Variants in TMEM117 observed in about 807,000 individuals in gnomAD.
TMEM117 encodes the protein transmembrane protein 117.
Under a neutral mutation model 52.4 loss-of-function variants are expected in TMEM117, and 27 were observed. The observed-to-expected ratio is 0.51, with a 90% CI of 0.38 to 0.71. The LOEUF (loss-of-function observed/expected upper bound fraction) is 0.71, where lower values mean the gene tolerates loss of function less well. Ranked by LOEUF, TMEM117 falls within the 30% of genes least tolerant of loss-of-function variation. TMEM117 has a pLI of 0.00. For missense variants in TMEM117, 556 were observed against 630.5 expected (o/e 0.88, Z 1.26); for synonymous variants, 215 against 206.3 (o/e 1.04, Z -0.36).
chr12:44,372,837 A>G (rs879322084), intron 6 of TMEM117, among the ~76,000 whole-genome samples: 2 of 152,200 alleles, frequency 1.3e-5, no homozygotes, highest in Admixed American at 6.5e-5. Flanking sequence ...CATGGCACCT[A>G]TGTCACTTTG....
At chr12:43,912,527 A>C (rs1156818275) in intron 2 of TMEM117, among the ~76,000 whole-genome samples, 1 of 92,064 alleles carries the variant, frequency 1.1e-5, no homozygotes, top group Non-Finnish European at 2.6e-5. Flanking sequence ...ATATATATAT[A>C]TATATATATG....
At chr12:43,848,268 G>A (rs192829336) in intron 2 of TMEM117, among the ~76,000 whole-genome samples, 3 of 151,986 alleles carry the variant, frequency 2.0e-5, no homozygotes, top group African/African-American at 7.3e-5. Context: ...GTAGAGAACC[G>A]GTCTGACCAC....
intron 4 of TMEM117, among the ~76,000 whole-genome samples, chr12:44,181,871 T>A (rs1207648593): frequency 6.6e-6 from 1 of 151,836 alleles, no homozygotes; most frequent in Non-Finnish European, 1.5e-5. Flanking sequence ...TTTAAAGTAG[T>A]TTTTTCCAAT....
At chr12:44,061,990 C>T (rs1293992652) in intron 3 of TMEM117, among the ~76,000 whole-genome samples, 1 of 152,048 alleles carries the variant, frequency 6.6e-6, no homozygotes, top group East Asian at 1.9e-4. Context: ...GTGGTTAAGC[C>T]TATGATAATT....
chr12:44,314,907 G>GT (rs1951035336), intron 6 of TMEM117, among the ~76,000 whole-genome samples: 1 of 151,952 alleles, frequency 6.6e-6, no homozygotes, highest in Admixed American at 6.6e-5. Flanking sequence ...TTGTATGTAG[G>GT]TTTTTTTGAC....
At chr12:43,901,186 A>G (rs1018606605) in intron 2 of TMEM117, among the ~76,000 whole-genome samples, 2 of 152,242 alleles carry the variant, frequency 1.3e-5, no homozygotes, top group Non-Finnish European at 2.9e-5. Context: ...AATTGTGCAA[A>G]GGCTTTCTGA....
intron 3 of TMEM117, among the ~76,000 whole-genome samples, chr12:43,960,662 C>T (rs1945387773): frequency 6.6e-6 from 1 of 152,048 alleles, no homozygotes; most frequent in Admixed American, 6.6e-5. Flanking sequence ...TTGTTTACTC[C>T]AGCTCTCTTA....
chr12:44,202,149 G>A (rs1949504028), intron 4 of TMEM117, among the ~76,000 whole-genome samples: 1 of 151,916 alleles, frequency 6.6e-6, no homozygotes, highest in Non-Finnish European at 1.5e-5. Context: ...GGAGGAAGCA[G>A]AAATAAAATT....
chr12:43,927,503 C>T (rs1944798957), intron 2 of TMEM117, among the ~76,000 whole-genome samples: 1 of 151,164 alleles, frequency 6.6e-6, no homozygotes, highest in African/African-American at 2.4e-5. Context: ...GCTAACATCT[C>T]ACACTGATTA....
Position 43,918,256 on chromosome 12 carries a change from T to C in TMEM117, c.278-25954T>C, listed in dbSNP as rs1255502781. ...ATATAATTACTGACAGTACACTTTT[T>C]GTATATGCAGGCTCCATCTGGTCTA... is the stretch of plus-strand genomic sequence containing the variant. On this transcript the variant is annotated intron_variant, in intron 2 of 7. Coordinates refer to ENST00000266534, the MANE Select transcript of TMEM117 (RefSeq NM_032256.3). 2.0e-5 allele frequency among the ~76,000 whole-genome samples: 3 copies of C among 152,232 alleles called. No individual in the cohort carries two copies. In the East Asian group the frequency reaches 5.8e-4, roughly 29 times the overall value.
intron 2 of TMEM117, among the ~76,000 whole-genome samples, chr12:43,853,436 C>G (rs763188577): frequency 7.2e-5 from 11 of 152,110 alleles, no homozygotes; most frequent in Non-Finnish European, 1.5e-4. Flanking sequence ...CCACCATACC[C>G]AGCTAATTTT....
At chr12:44,257,988 G>A (rs924712755) in intron 5 of TMEM117, among the ~76,000 whole-genome samples, 1 of 151,966 alleles carries the variant, frequency 6.6e-6, no homozygotes, top group African/African-American at 2.4e-5. Context: ...AAAATAAATA[G>A]ATTAGGAAAC....
At chr12:44,076,083 A>G (rs900010361) in intron 3 of TMEM117, among the ~76,000 whole-genome samples, 16 of 152,234 alleles carry the variant, frequency 1.1e-4, no homozygotes, top group African/African-American at 3.6e-4. Flanking sequence ...TGACTTTTTC[A>G]TAAGAGGAAA....
intron 6 of TMEM117, among the ~76,000 whole-genome samples, chr12:44,351,890 T>C (rs965497510): frequency 1.3e-5 from 2 of 151,834 alleles, no homozygotes; most frequent in Non-Finnish European, 2.9e-5. Context: ...CGGGATGAGG[T>C]TCCCATTCTC....
At chr12:44,117,661 AAAGT>A (rs1948167746) in intron 3 of TMEM117, among the ~76,000 whole-genome samples, 2 of 152,160 alleles carry the variant, frequency 1.3e-5, no homozygotes, top group South Asian at 2.1e-4. Context: ...GGAAAGAAAG[AAAGT>A]AATTCTAGAA....
At chr12:44,333,422 C>T (rs944844056) in intron 6 of TMEM117, among the ~76,000 whole-genome samples, 37 of 151,942 alleles carry the variant, frequency 2.4e-4, no homozygotes, top group Non-Finnish European at 3.4e-4. Flanking sequence ...ACCCAAATCT[C>T]ATCTTGAATT....
chr12:44,254,066 C>G (rs1206259332), intron 5 of TMEM117, among the ~76,000 whole-genome samples: 2 of 144,350 alleles, frequency 1.4e-5, no homozygotes, highest in Non-Finnish European at 3.0e-5. Context: ...ACAACAATAA[C>G]CACTGTGAAG....
chr12:44,289,554 T>C (rs1950678223), intron 5 of TMEM117, among the ~76,000 whole-genome samples: 1 of 126,580 alleles, frequency 7.9e-6, no homozygotes, highest in African/African-American at 2.8e-5. Flanking sequence ...TTTTCTCTTT[T>C]TTTTTTTTTT....
chr12:44,392,186 TGTA>T, downstream of TMEM117, among the ~76,000 whole-genome samples: 1 of 152,270 alleles, frequency 6.6e-6, no homozygotes, highest in East Asian at 1.9e-4. Context: ...GAAGTTTAGA[TGTA>T]GTATTTATAA....
Sources: allele counts gnomAD v4.1 joint callset (sites outside exome capture counted in the v4.1 genomes callset), GRCh38; gene constraint gnomAD v4.1.1; transcripts MANE v1.5; gene names NCBI Gene and HGNC (gene_info 2026-07-23, HGNC 2026-07-21).